The following CDHR1 variants were observed in gnomAD, a reference collection of about 807,000 sequenced individuals.
The protein encoded by CDHR1 is cadherin related family member 1.
Under a neutral mutation model 72.1 loss-of-function variants are expected in CDHR1, and 61 were observed. The observed-to-expected ratio is 0.85, with a 90% CI of 0.69 to 1.05. CDHR1 has a LOEUF of 1.05. Ranked by LOEUF, CDHR1 falls within the 50% of genes least tolerant of loss-of-function variation. The pLI is 0.00. For missense variants in CDHR1, 1,186 were observed against 1,115.7 expected (o/e 1.06, Z -0.90); for synonymous variants, 470 against 448.1 (o/e 1.05, Z -0.62).
At position 84,197,836 on chromosome 10, in the gene CDHR1, G is replaced by C; in HGVS notation, c.348G>C (p.Leu116=). The change falls in exon 4 of 17, where the codon CTG becomes CTC. Residue 116 remains leucine (L), a splice_region_variant and synonymous_variant. Coordinates refer to ENST00000623527, the MANE Select transcript of CDHR1 (RefSeq NM_033100.4). ...TCAGCATTTCTGATGGCCTGAATCT[G>C]GTGAGTGCACGTCCAAGGCAGTCCC... ...AIISISDGLN[L]VAEKVVILVT... 1.2e-6 allele frequency: 2 copies of C among 1,613,748 alleles called. No homozygotes were observed. Among genetic ancestry groups the C allele is most frequent in the Non-Finnish European group, 1.7e-6 (2 of 1,179,838 alleles).
rs200898215 is a variant in CDHR1 at position 84,200,615 on chromosome 10, G to A, written c.453G>A (p.Gly151=). ...GACCCCCTCAGGACATACCTGCTGG[G>A]AGCATCATCTTTAAGGTCCATGCAG... ...VALVPEDIPA[G]SIIFKVHAVD... is the part of the protein sequence containing the mutation. Residue 151 remains glycine (G), a synonymous_variant, in exon 6 of 17, where the codon GGG becomes GGA. Coordinates refer to ENST00000623527, the MANE Select transcript of CDHR1 (RefSeq NM_033100.4). 59 of 1,611,322 alleles carry A rather than the reference G, an allele frequency of 3.7e-5. No individual in the cohort carries two copies. The highest frequency in any genetic ancestry group is 5.0e-5 in the Admixed American group (3 of 59,696).
chr10:84,197,060 C>T (rs1842042891), intron 3 of CDHR1, among the ~76,000 whole-genome samples: 1 of 152,050 alleles, frequency 6.6e-6, no homozygotes, highest in Non-Finnish European at 1.5e-5. Context: ...CTGAGTTTGG[C>T]AGAGCTCCTC....
At position 84,212,084 on chromosome 10, in the gene CDHR1, C is replaced by T; in HGVS notation, c.1554-95C>T. On this transcript the variant is annotated intron_variant, in intron 14 of 16. Coordinates refer to ENST00000623527, the MANE Select transcript of CDHR1 (RefSeq NM_033100.4). ...GGAGGAGCTGCATGACACCTCACTC[C>T]TGCTTCAGGAGGCAGCTCATTATTG... The T allele has an allele frequency of 6.3e-6, 7 of 1,118,776 alleles. No individual in the cohort carries two copies. The Admixed American group carries it at 8.8e-5, about 14-fold the overall frequency. 69.3% of individuals were successfully genotyped at this position (1,118,776 alleles called of 1,614,324 possible).
Position 84,213,495 on chromosome 10 carries a change from C to G in CDHR1, c.2040+147C>G. The G allele has an allele frequency of 2.7e-6, 3 of 1,099,894 alleles. No homozygotes were observed. The South Asian group carries it at 3.9e-5, about 14-fold the overall frequency. The allele number at this position is 1,099,894 out of a possible 1,614,324, so 68.1% of individuals were successfully genotyped here. On this transcript the variant is annotated intron_variant, in intron 16 of 16. Transcript: ENST00000623527. ...AAGGCAGCCTGTGCCATCAAACACA[C>G]AGTCTTTGGAAGCGGGTTGAGTTTC...
intron 11 of CDHR1, 142 bp from the exon 12 acceptor site, chr10:84,208,587 C>A: frequency 9.9e-7 from 1 of 1,014,398 alleles, no homozygotes; most frequent in Non-Finnish European, 1.5e-6. Flanking sequence ...CACTCACAGT[C>A]CATTCACAAG....
In CDHR1 at chr10:84,218,019, G is replaced by A. The variant is rs1266604852; in HGVS notation, c.*3398G>A. The A allele has an allele frequency of 1.0e-6, 1 of 985,382 alleles. No individual in the cohort carries two copies. Among genetic ancestry groups the A allele is most frequent in the Non-Finnish European group, 1.2e-6 (1 of 829,980 alleles). 61.0% of individuals were successfully genotyped at this position (985,382 alleles called of 1,614,324 possible). A position where few individuals can be genotyped will look rare whatever the true frequency, so the allele number is the denominator to read the frequency against. ...AGGATTTCGGTGATTCTATTTTTAGGGACTGAAGGCGTTGAGGGAATCCAA... is the reference window on the plus strand; with the variant it reads ...AGGATTTCGGTGATTCTATTTTTAGAGACTGAAGGCGTTGAGGGAATCCAA... On this transcript the variant is annotated 3_prime_UTR_variant, in exon 17 of 17. Coordinates refer to ENST00000623527, the MANE Select transcript of CDHR1 (RefSeq NM_033100.4).
At chr10:84,205,591 G>A (rs1343091984) in intron 9 of CDHR1, 6 of 593,412 alleles carry the variant, frequency 1.0e-5, no homozygotes, top group South Asian at 1.9e-5. Flanking sequence ...AAGGGACACA[G>A]TATGGAATGT....
In CDHR1 at chr10:84,194,595, G is replaced by C; in HGVS notation, c.-166G>C. On this transcript the variant is annotated 5_prime_UTR_variant, in exon 1 of 17. Transcript: ENST00000623527. ...AGATCCGAGCCGTGTCATCCTCTTAGCGCCCTCACGCCACCCGCCGCTCCC... is the reference window on the plus strand; with the variant it reads ...AGATCCGAGCCGTGTCATCCTCTTACCGCCCTCACGCCACCCGCCGCTCCC... The C allele has an allele frequency of 2.0e-6, 1 of 497,496 alleles. No homozygotes were observed. The highest frequency in any genetic ancestry group is 3.4e-6 in the Non-Finnish European group (1 of 292,012). The allele number at this position is 497,496 out of a possible 1,614,324, so 30.8% of individuals were successfully genotyped here. A position where few individuals can be genotyped will look rare whatever the true frequency, so the allele number is the denominator to read the frequency against.
intron 7 of CDHR1, among the ~76,000 whole-genome samples, chr10:84,202,225 C>T (rs1187900354): frequency 1.3e-5 from 2 of 152,124 alleles, no homozygotes; most frequent in Non-Finnish European, 2.9e-5. Flanking sequence ...GGCCTCTGGG[C>T]ACCTCCCTCT....
intron 12 of CDHR1, among the ~76,000 whole-genome samples, chr10:84,209,702 G>C (rs1487457084): frequency 6.7e-6 from 1 of 148,456 alleles, no homozygotes; most frequent in African/African-American, 2.5e-5. Context: ...TGATTACAAA[G>C]TTAATGCACA....
intron 2 of CDHR1, 55 bp downstream of exon 2, chr10:84,195,644 CT>C: frequency 6.7e-7 from 1 of 1,484,308 alleles, no homozygotes; most frequent in Non-Finnish European, 9.4e-7. Flanking sequence ...TGCAGGCAGA[CT>C]TAGAACACAA....
At chr10:84,210,796 G>A (rs1187379890) in intron 12 of CDHR1, among the ~76,000 whole-genome samples, 1 of 152,184 alleles carries the variant, frequency 6.6e-6, no homozygotes, top group Non-Finnish European at 1.5e-5. Flanking sequence ...TGATAAGAAA[G>A]CTAGCATTAC....
At chr10:84,201,759 G>A (rs1246187269) in intron 6 of CDHR1, 48 bp from the exon 7 acceptor site, 2 of 1,492,548 alleles carry the variant, frequency 1.3e-6, no homozygotes, top group Non-Finnish European at 1.9e-6. Context: ...CATTCCTGGG[G>A]CTGGCCTGCA....
chr10:84,213,395 C>G, intron 16 of CDHR1, 47 bp downstream of exon 16: 2 of 1,613,182 alleles, frequency 1.2e-6, no homozygotes, highest in Non-Finnish European at 1.7e-6. Flanking sequence ...CAGGCCAGCT[C>G]AGACCTCTCT....
Position 84,214,843 on chromosome 10 carries a change from G to C in CDHR1, c.*222G>C. ...GCCTTGGGCAAGACATTGGGCTCTA[G>C]GATGCAATTGGCAAATACGTCCCCG... On this transcript the variant is annotated 3_prime_UTR_variant, in exon 17 of 17. Transcript: ENST00000623527. 6.8e-7 allele frequency: 1 copy of C among 1,463,912 alleles called. No homozygotes were observed. The highest frequency in any genetic ancestry group is 2.5e-5 in the East Asian group (1 of 40,536). 90.7% of individuals were successfully genotyped at this position (1,463,912 alleles called of 1,614,324 possible).
chr10:84,210,223 GTTTTTTTTGTTT>G (rs1362325371), intron 12 of CDHR1, among the ~76,000 whole-genome samples: 10 of 150,698 alleles, frequency 6.6e-5, no homozygotes, highest in East Asian at 2.0e-4. Flanking sequence ...CGTTTTTTTT[GTTTTTTTTGTTT>G]TTGTTTTTGT....
Position 84,214,160 on chromosome 10 carries a change from G to C in CDHR1, c.2119G>C (p.Gly707Arg). 1.2e-6 allele frequency: 2 copies of C among 1,614,122 alleles called. No homozygotes were observed. Among genetic ancestry groups the C allele is most frequent in the Non-Finnish European group, 1.7e-6 (2 of 1,180,028 alleles). The change falls in exon 17 of 17, where the codon GGC becomes CGC. Residue 707 changes from glycine (G) to arginine (R), a missense_variant. Transcript: ENST00000623527. ...NPMKAVGVLA[G>R]TMATVVAITV... is the part of the protein sequence containing the mutation. ...CATGAAGGCCGTGGGTGTGCTGGCC[G>C]GCACCATGGCCACCGTCGTGGCCAT...
At chr10:84,204,738 G>A (rs530132075) in intron 9 of CDHR1, 133 bp downstream of exon 9, 4 of 691,486 alleles carry the variant, frequency 5.8e-6, no homozygotes, top group Admixed American at 2.1e-5. Context: ...AGGAAGGGCT[G>A]TGTCCAAGAC....
At chr10:84,213,508 C>T (rs572899199) in intron 16 of CDHR1, among the ~76,000 whole-genome samples, 160 bp downstream of exon 16, 53 of 152,312 alleles carry the variant, frequency 3.5e-4, no homozygotes, top group African/African-American at 1.2e-3. Flanking sequence ...TCTTTGGAAG[C>T]GGGTTGAGTT....
Sources: allele counts gnomAD v4.1 joint callset (sites outside exome capture counted in the v4.1 genomes callset), GRCh38; gene constraint gnomAD v4.1.1; transcripts MANE v1.5; gene names NCBI Gene and HGNC (gene_info 2026-07-23, HGNC 2026-07-21).